The following SGIP1 variants were observed in gnomAD, a reference collection of about 807,000 sequenced individuals.
The protein encoded by SGIP1 is SH3-containing GRB2-like protein 3-interacting protein 1.
SGIP1 carries 38 observed loss-of-function variants against 107.5 expected under a neutral mutation model. That is an observed-to-expected ratio of 0.35 (90% CI 0.27 to 0.46). The LOEUF is 0.46. SGIP1 is among the 20% of genes least tolerant of loss of function. The pLI, the probability that SGIP1 is intolerant of heterozygous loss-of-function variation, is 1.00. For missense variants in SGIP1, 929 were observed against 1,019.5 expected (o/e 0.91, Z 1.21); for synonymous variants, 365 against 366.1 (o/e 1.00, Z 0.03).
At chr1:66,679,242 C>G (rs576684779) in intron 13 of SGIP1, among the ~76,000 whole-genome samples, 1 of 152,270 alleles carries the variant, frequency 6.6e-6, no homozygotes, top group Admixed American at 6.5e-5. Flanking sequence ...GAGCCCCCAC[C>G]CAACCTGTGA....
chr1:66,596,358 A>G (rs2064700311), intron 1 of SGIP1, among the ~76,000 whole-genome samples: 1 of 152,288 alleles, frequency 6.6e-6, no homozygotes, highest in Admixed American at 6.5e-5. Flanking sequence ...AGAAGGCAGG[A>G]AAGTCCCCTG....
chr1:66,682,496 T>A (rs1382947525), intron 15 of SGIP1, 127 bp downstream of exon 15: 2 of 1,165,178 alleles, frequency 1.7e-6, no homozygotes, highest in Non-Finnish European at 2.4e-6. Flanking sequence ...CTAGTCTGGG[T>A]GTCCTGTGGC....
At position 66,739,547 on chromosome 1, in the gene SGIP1, C is replaced by T. The variant is rs139254548; in HGVS notation, c.2234+10C>T. ...TCCCACCAGCAGTCTGGTATGAAGC[C>T]TCCTATTCTCTCCACCAAAGGGCTC... On this transcript the variant is annotated intron_variant, in intron 22 of 24. Transcript: ENST00000371037. 2.4e-4 allele frequency: 381 copies of T among 1,612,978 alleles called. 1 individual carries two copies. The African/African-American group carries it at 4.5e-3, about 19-fold the overall frequency.
chr1:66,690,763 G>A (rs2089640520), intron 17 of SGIP1, among the ~76,000 whole-genome samples: 1 of 152,146 alleles, frequency 6.6e-6, no homozygotes, highest in South Asian at 2.1e-4. Context: ...TTGTCCTTAT[G>A]TTGACAGATG....
chr1:66,592,145 G>C (rs1570234471), intron 1 of SGIP1, among the ~76,000 whole-genome samples: 1 of 152,266 alleles, frequency 6.6e-6, no homozygotes, highest in African/African-American at 2.4e-5. Flanking sequence ...ACCGATGTCG[G>C]GCTGGGGGAC....
intron 1 of SGIP1, among the ~76,000 whole-genome samples, chr1:66,548,416 A>G (rs753486492): frequency 1.3e-5 from 2 of 152,070 alleles, no homozygotes; most frequent in Non-Finnish European, 2.9e-5. Context: ...CTCAAAGTGA[A>G]GGTTTAATTT....
At chr1:66,580,889 A>G (rs1310458003) in intron 1 of SGIP1, among the ~76,000 whole-genome samples, 2 of 152,134 alleles carry the variant, frequency 1.3e-5, no homozygotes, top group Non-Finnish European at 2.9e-5. Context: ...GCAAACATAC[A>G]TCACTAAAAA....
rs557227523 is a variant in SGIP1 at position 66,736,697 on chromosome 1, T to TG, written c.2032-2632dup. ...TTATTAAATATACATATATGTATTT[T>TG]GGGGGGTGTTAGGACCTAGCAGATA... On this transcript the variant is annotated intron_variant, in intron 21 of 24. Transcript: ENST00000371037. Among the ~76,000 whole-genome samples, 533 of 150,796 alleles carry TG rather than the reference T, an allele frequency of 3.5e-3. 5 individuals carry two copies. Among genetic ancestry groups the TG allele is most frequent in the African/African-American group, 0.012 (505 of 41,194 alleles).
chr1:66,585,165 AG>A (rs2062415499), intron 1 of SGIP1, among the ~76,000 whole-genome samples: 2 of 152,092 alleles, frequency 1.3e-5, no homozygotes, highest in African/African-American at 2.4e-5. Flanking sequence ...TCTTGGCTGG[AG>A]GCCTTTCCTT....
intron 1 of SGIP1, among the ~76,000 whole-genome samples, chr1:66,606,804 G>A (rs1023785569): frequency 6.6e-6 from 1 of 152,196 alleles, no homozygotes; most frequent in Non-Finnish European, 1.5e-5. Context: ...AGGGACTTAA[G>A]TTGGGGTTTG....
intron 7 of SGIP1, among the ~76,000 whole-genome samples, chr1:66,657,565 G>C (rs910164257): frequency 2.0e-5 from 3 of 152,122 alleles, no homozygotes; most frequent in African/African-American, 7.2e-5. Flanking sequence ...CATGTTATTT[G>C]GAGTAATAAC....
chr1:66,731,495 A>G (rs1191475073), intron 20 of SGIP1, among the ~76,000 whole-genome samples: 1 of 152,174 alleles, frequency 6.6e-6, no homozygotes, highest in African/African-American at 2.4e-5. Flanking sequence ...TTTGCTTAAC[A>G]AAATATTATA....
intron 1 of SGIP1, among the ~76,000 whole-genome samples, chr1:66,563,477 A>C (rs2059238178): frequency 6.6e-6 from 1 of 152,024 alleles, no homozygotes; most frequent in Non-Finnish European, 1.5e-5. Context: ...AAGAAAGACA[A>C]CTACCAGATC....
Position 66,748,105 on chromosome 1 carries a change from T to A in SGIP1, c.*5010T>A, listed in dbSNP as rs1242296903. On this transcript the variant is annotated 3_prime_UTR_variant, in exon 25 of 25. Transcript: ENST00000371037. ...TCTTTTACTGTGTGCACTTTCCTCT[T>A]AAGGTTTTATTGTATTTTCCCTGCT... The A allele has an allele frequency of 6.6e-6, 1 of 151,974 alleles. No individual in the cohort carries two copies. The highest frequency in any genetic ancestry group is 1.5e-5 in the Non-Finnish European group (1 of 67,848). 9.4% of individuals were successfully genotyped at this position (151,974 alleles called of 1,614,324 possible). A position where few individuals can be genotyped will look rare whatever the true frequency, so the allele number is the denominator to read the frequency against.
intron 12 of SGIP1, among the ~76,000 whole-genome samples, 156 bp downstream of exon 12, chr1:66,673,522 G>A (rs112710484): frequency 1.4e-4 from 22 of 152,300 alleles, no homozygotes; most frequent in African/African-American, 5.1e-4. Flanking sequence ...AAGAACAGAA[G>A]TTTAGTTTGA....
At chr1:66,705,260 C>T (rs544570536) in intron 18 of SGIP1, among the ~76,000 whole-genome samples, 41 of 152,296 alleles carry the variant, frequency 2.7e-4, no homozygotes, top group African/African-American at 8.2e-4. Context: ...TTCTTGCTGA[C>T]GCATATTCAC....
At chr1:66,661,674 C>A (rs545064352) in intron 8 of SGIP1, among the ~76,000 whole-genome samples, 2 of 152,290 alleles carry the variant, frequency 1.3e-5, no homozygotes, top group East Asian at 3.9e-4. Context: ...CTTTAACAGC[C>A]TTTTCTTACC....
chr1:66,630,214 G>A (rs1386005668), intron 2 of SGIP1, among the ~76,000 whole-genome samples: 3 of 152,236 alleles, frequency 2.0e-5, no homozygotes, highest in South Asian at 4.1e-4. Context: ...CCATCCCAAC[G>A]GCTGCAATAA....
rs755026436 is a variant in SGIP1, at chr1:66,670,998, G to A, written c.487G>A (p.Ala163Thr). 1.4e-6 allele frequency: 2 copies of A among 1,381,618 alleles called. No individual in the cohort carries two copies. The highest frequency in any genetic ancestry group is 1.4e-5 in the African/African-American group (1 of 69,744). 85.6% of individuals were successfully genotyped at this position (1,381,618 alleles called of 1,614,324 possible). A position where few individuals can be genotyped will look rare whatever the true frequency, so the allele number is the denominator to read the frequency against. The change falls in exon 10 of 25, where the codon GCA (alanine) becomes ACA (threonine). Residue 163 changes from alanine to threonine, a missense_variant. Around this residue, in one of 2 missense-constraint regions of SGIP1, gnomAD observed 588 missense variants for 588.6 expected, o/e 1.00. Transcript: ENST00000371037. ...VRKSPRRSPG[A>T]IKRNLSSEEV... ...TAGTGTCTATTTCTAATTCTAGGGT[G>A]CAATTAAAAGGAACTTATCCAGTAA...
Sources: allele counts gnomAD v4.1 joint callset (sites outside exome capture counted in the v4.1 genomes callset), GRCh38; gene constraint gnomAD v4.1.1; regional missense constraint gnomAD v4.1.1; transcripts MANE v1.5; gene names NCBI Gene and HGNC (gene_info 2026-07-23, HGNC 2026-07-21).